The following SYN2 variants were observed in gnomAD, a reference collection of about 807,000 sequenced individuals.
The protein encoded by SYN2 is synapsin-2.
SYN2 carries 19 observed loss-of-function variants against 50.9 expected under a neutral mutation model. The observed-to-expected ratio is 0.37, with a 90% CI of 0.26 to 0.55. The LOEUF (loss-of-function observed/expected upper bound fraction) is 0.55. Ranked by LOEUF, SYN2 falls within the 20% of genes least tolerant of loss-of-function variation. The probability of loss-of-function intolerance (pLI) is 0.81; values close to 1 mark genes in which losing one functional copy is unlikely to be tolerated. For synonymous variants in SYN2, 255 were observed against 224.9 expected, an observed-to-expected ratio of 1.13 and a Z score of -1.20; for missense variants, 587 against 576.4, an observed-to-expected ratio of 1.02 and a Z score of -0.19.
At chr3:12,138,200 A>G (rs1696941284) in intron 1 of SYN2, among the ~76,000 whole-genome samples, 1 of 152,214 alleles carries the variant, frequency 6.6e-6, no homozygotes, top group South Asian at 2.1e-4. Flanking sequence ...TCTGTGCCCC[A>G]TCTGCCGGCC....
At chr3:12,113,982 T>C (rs1696378679) in intron 1 of SYN2, among the ~76,000 whole-genome samples, 1 of 152,180 alleles carries the variant, frequency 6.6e-6, no homozygotes, top group African/African-American at 2.4e-5. Context: ...GGTAACTCTA[T>C]GTTTAACTTC....
chr3:12,122,128 A>G (rs1473812964), intron 1 of SYN2, among the ~76,000 whole-genome samples: 2 of 152,262 alleles, frequency 1.3e-5, no homozygotes, highest in Admixed American at 6.5e-5. Context: ...ACAACTGGGT[A>G]CCATAGCCTA....
intron 1 of SYN2, among the ~76,000 whole-genome samples, chr3:12,085,462 A>C (rs1417228075): frequency 6.6e-6 from 1 of 152,164 alleles, no homozygotes; most frequent in Non-Finnish European, 1.5e-5. Context: ...GACAGACTGC[A>C]ATACAATAAT....
At chr3:12,065,281 G>A (rs1169566206) in intron 1 of SYN2, among the ~76,000 whole-genome samples, 1 of 152,048 alleles carries the variant, frequency 6.6e-6, no homozygotes, top group Non-Finnish European at 1.5e-5. Flanking sequence ...TAGTCACCGT[G>A]GAAAACAGTT....
intron 1 of SYN2, among the ~76,000 whole-genome samples, chr3:12,136,583 G>A (rs1696898059): frequency 6.6e-6 from 1 of 152,170 alleles, no homozygotes; most frequent in African/African-American, 2.4e-5. Flanking sequence ...GTTTTGTGGG[G>A]GCGTTAGGAG....
intron 5 of SYN2, chr3:12,154,515 G>C (rs1461687317): frequency 6.3e-7 from 1 of 1,585,768 alleles, no homozygotes; most frequent in Non-Finnish European, 8.6e-7. Context: ...CAGGGGCCCA[G>C]GTCCTTGAAA....
chr3:12,074,347 G>A (rs1352205879), intron 1 of SYN2, among the ~76,000 whole-genome samples: 2 of 152,008 alleles, frequency 1.3e-5, no homozygotes, highest in Admixed American at 6.6e-5. Context: ...TCTACTGTTT[G>A]TATAATGCTC....
chr3:12,186,393 AC>A (rs1320033698), intron 11 of SYN2, among the ~76,000 whole-genome samples: 2 of 152,082 alleles, frequency 1.3e-5, no homozygotes, highest in Admixed American at 6.5e-5. Flanking sequence ...AGGAAGGAGG[AC>A]CTTTTTCCTC....
chr3:12,151,297 C>G lies in SYN2; in HGVS notation c.745C>G (p.Gln249Glu). 2 of 1,613,422 alleles carry G rather than the reference C, an allele frequency of 1.2e-6. No individual in the cohort carries two copies. Among genetic ancestry groups the G allele is most frequent in the Non-Finnish European group, 1.7e-6 (2 of 1,179,676 alleles). Residue 249 changes from glutamine to glutamate, a missense_variant, in exon 5 of 13, where the codon CAG (glutamine) becomes GAG (glutamate). Coordinates refer to ENST00000621198, the MANE Select transcript of SYN2 (RefSeq NM_133625.6). ...LGGEKFPLIE[Q>E]TYYPNHKEML... is the part of the protein sequence containing the mutation. ...AGGAGAAAAGTTCCCTCTCATTGAA[C>G]AGACATACTACCCCAACCACAAAGA...
chr3:12,190,013 C>G (rs140204968), intron 12 of SYN2, among the ~76,000 whole-genome samples: 1 of 152,090 alleles, frequency 6.6e-6, no homozygotes, highest in Non-Finnish European at 1.5e-5. Context: ...AGTGGCAAAA[C>G]GAGACTTTGG....
intron 1 of SYN2, among the ~76,000 whole-genome samples, chr3:12,025,840 G>A (rs1694247205): frequency 6.6e-6 from 1 of 152,154 alleles, no homozygotes; most frequent in Non-Finnish European, 1.5e-5. Context: ...CATTCAGACT[G>A]TCTCAAGGTA....
At chr3:12,118,986 G>T (rs1359184161) in intron 1 of SYN2, among the ~76,000 whole-genome samples, 2 of 151,980 alleles carry the variant, frequency 1.3e-5, no homozygotes, top group African/African-American at 4.8e-5. Context: ...TAGAAATTGG[G>T]CACGTGTTTC....
intron 12 of SYN2, among the ~76,000 whole-genome samples, chr3:12,188,758 CGGGCCAGTG>C (rs1418723150): frequency 6.6e-6 from 1 of 152,162 alleles, no homozygotes. Context: ...CTCCCCAGCT[CGGGCCAGTG>C]GCACCTCTTG....
chr3:12,183,990 C>A (rs1408694896), intron 11 of SYN2: 9 of 986,160 alleles, frequency 9.1e-6, no homozygotes, highest in East Asian at 1.1e-4. Flanking sequence ...CAAGATCAAA[C>A]TTCCATAGCT....
chr3:12,128,189 C>T (rs538598129), intron 1 of SYN2, among the ~76,000 whole-genome samples: 16 of 152,298 alleles, frequency 1.1e-4, no homozygotes, highest in African/African-American at 3.4e-4. Flanking sequence ...AAGTAATCCT[C>T]CCGCCTCAGT....
chr3:12,121,302 T>C (rs1696552608), intron 1 of SYN2, among the ~76,000 whole-genome samples: 1 of 152,254 alleles, frequency 6.6e-6, no homozygotes, highest in African/African-American at 2.4e-5. Context: ...TCCTAGAACA[T>C]CTGTGCCTCT....
chr3:12,095,527 G>A (rs1243849718), intron 1 of SYN2, among the ~76,000 whole-genome samples: 10 of 105,832 alleles, frequency 9.4e-5, no homozygotes, highest in Non-Finnish European at 1.6e-4. Context: ...CAGCCTGGGC[G>A]ACAAAGCGAG....
At chr3:12,161,895 A>G (rs1697657007) in intron 6 of SYN2, 117 bp from the exon 7 acceptor site, 1 of 1,425,128 alleles carries the variant, frequency 7.0e-7, no homozygotes, top group Non-Finnish European at 9.5e-7. Flanking sequence ...TGGCACCCAG[A>G]TTAGTGTCTG....
chr3:12,148,558 T>C (rs898564075), intron 4 of SYN2: 28 of 152,228 alleles, frequency 1.8e-4, no homozygotes, highest in African/African-American at 6.8e-4. Flanking sequence ...TCTGAGCACA[T>C]TGCTGTCTCT....
Sources: gnomAD v4.1 joint callset for allele counts (sites outside exome capture counted in the v4.1 genomes callset) on GRCh38, gnomAD v4.1.1 for gene constraint, MANE v1.5 for transcripts, NCBI Gene and HGNC (gene_info 2026-07-23, HGNC 2026-07-21) for gene names.